Variants in KLK15 observed in about 807,000 individuals in gnomAD.
The protein encoded by KLK15 is kallikrein related peptidase 15.
A neutral mutation model predicts 21.1 loss-of-function variants in KLK15; 19 were observed. The observed-to-expected ratio is 0.90, with a 90% confidence interval of 0.63 to 1.32. The LOEUF is 1.32. Among genes scored for constraint, KLK15 ranks in the 40% most tolerant of loss-of-function variants. The probability of loss-of-function intolerance (pLI) is 0.00; values close to 1 mark genes in which losing one functional copy is unlikely to be tolerated. For synonymous variants in KLK15, 141 were observed against 141.5 expected, an observed-to-expected ratio of 1.00 and a Z score of 0.03; for missense variants, 345 against 348.6, an observed-to-expected ratio of 0.99 and a Z score of 0.08.
At chr19:50,829,092 A>AATTGG (rs543906527) in intron 1 of KLK15, among the ~76,000 whole-genome samples, 146 of 151,148 alleles carry the variant, frequency 9.7e-4, no homozygotes, top group African/African-American at 3.5e-3. Context: ...ACACACACAG[A>AATTGG]ATTGGATATT....
At chr19:50,832,602 C>T (rs1193133761), upstream of KLK15, among the ~76,000 whole-genome samples, 1 of 152,158 alleles carries the variant, frequency 6.6e-6, no homozygotes, top group African/African-American at 2.4e-5. Flanking sequence ...GGATTACAGG[C>T]ATGAGTTGCC....
At chr19:50,828,090 T>C (rs1207480262) in intron 1 of KLK15, among the ~76,000 whole-genome samples, 1 of 151,230 alleles carries the variant, frequency 6.6e-6, no homozygotes, top group Non-Finnish European at 1.5e-5. Flanking sequence ...GTAGCTGAGG[T>C]GCCCGCCACC....
In KLK15 at chr19:50,827,660, AC is replaced by A; in HGVS notation, c.197+1del. ...CAGGACCCTGAGCCCCTGCCTTCATACCGGCTTTGGCAGTGGGCCGCAGACA... is the reference window on the plus strand; with the variant it reads ...CAGGACCCTGAGCCCCTGCCTTCATACGGCTTTGGCAGTGGGCCGCAGACA... On this transcript the variant is annotated splice_donor_variant, in intron 2 of 4. Coordinates refer to ENST00000598239, the Ensembl canonical transcript of KLK15. LOFTEE classifies it high-confidence loss of function. 1 of 1,610,156 alleles carries A rather than the reference AC, an allele frequency of 6.2e-7. No individual in the cohort carries two copies.
downstream of KLK15, chr19:50,825,592 T>G (rs2089866247): frequency 2.1e-6 from 1 of 471,486 alleles, no homozygotes; most frequent in African/African-American, 2.0e-5. Context: ...CAGAGCAACT[T>G]GGATCAGCGC....
At chr19:50,827,985 C>T (rs965564291) in intron 1 of KLK15, among the ~76,000 whole-genome samples, 170 bp from the exon 3 acceptor site, 2 of 151,564 alleles carry the variant, frequency 1.3e-5, no homozygotes, top group Non-Finnish European at 3.0e-5. Context: ...CGGAGTCTCA[C>T]TCTTTTGCCC....
Position 50,831,430 on chromosome 19 carries a change from C to A in KLK15, c.43+20G>T. 1 of 1,415,346 alleles carries A rather than the reference C, an allele frequency of 7.1e-7. No homozygotes were observed. Among genetic ancestry groups the A allele is most frequent in the South Asian group, 1.6e-5 (1 of 63,368 alleles). 87.7% of individuals were successfully genotyped at this position (1,415,346 alleles called of 1,614,324 possible). On this transcript the variant is annotated intron_variant, in intron 1 of 4. Transcript: ENST00000598239. ...GGCACCTGCTCCCACAGACCTGGCCCCCTCCTGGGGCCACCTCACCTGTGG... is the reference window on the plus strand; with the variant it reads ...GGCACCTGCTCCCACAGACCTGGCCACCTCCTGGGGCCACCTCACCTGTGG...
At chr19:50,826,934 C>A in exon 3 of KLK15, 2 of 1,591,370 alleles carry the variant, frequency 1.3e-6, no homozygotes, top group Non-Finnish European at 1.7e-6. Flanking sequence ...CAGGCCCCAG[C>A]CAGACACCAC....
At chr19:50,828,459 G>A (rs1351568679) in intron 1 of KLK15, among the ~76,000 whole-genome samples, 1 of 151,694 alleles carries the variant, frequency 6.6e-6, no homozygotes, top group African/African-American at 2.4e-5. Context: ...TGTCACAGAC[G>A]TCAAACGCAT....
At chr19:50,829,795 C>G (rs574040531) in intron 1 of KLK15, among the ~76,000 whole-genome samples, 1 of 151,544 alleles carries the variant, frequency 6.6e-6, no homozygotes, top group African/African-American at 2.4e-5. Flanking sequence ...CCAGCTTGGG[C>G]GGCAGAGCGA....
chr19:50,828,399 C>T (rs967031560), intron 1 of KLK15, among the ~76,000 whole-genome samples: 2 of 151,620 alleles, frequency 1.3e-5, no homozygotes, highest in African/African-American at 4.8e-5. Context: ...GCACTGGATA[C>T]AGGTTCAGAC....
intron 1 of KLK15, among the ~76,000 whole-genome samples, chr19:50,829,615 C>T (rs765368818): frequency 8.6e-5 from 13 of 151,456 alleles, no homozygotes; most frequent in South Asian, 2.1e-4. Flanking sequence ...TGGCCAACAT[C>T]GTGAAATCCC....
At chr19:50,829,845 C>G (rs1416208432) in intron 1 of KLK15, among the ~76,000 whole-genome samples, 1 of 151,368 alleles carries the variant, frequency 6.6e-6, no homozygotes, top group African/African-American at 2.4e-5. Context: ...AAAAAAAAGT[C>G]AAGGTTAAAA....
chr19:50,833,038 G>T (rs1489375469), upstream of KLK15: 1 of 152,268 alleles, frequency 6.6e-6, no homozygotes, highest in Non-Finnish European at 1.5e-5. Context: ...CACCTAACAG[G>T]TGTCTCCCCT....
intron 2 of KLK15, 64 bp downstream of exon 3, chr19:50,827,598 C>T (rs1443807619): frequency 3.2e-6 from 5 of 1,543,270 alleles, no homozygotes; most frequent in East Asian, 4.5e-5. Flanking sequence ...CGTCTTCCCC[C>T]AAATCTAGGA....
chr19:50,832,325 T>TTTTC (rs146583168), upstream of KLK15, among the ~76,000 whole-genome samples: 3 of 135,918 alleles, frequency 2.2e-5, no homozygotes, highest in Non-Finnish European at 4.6e-5. Context: ...TTTTTTTCTT[T>TTTTC]TTTTTTTTTT....
intron 4 of KLK15, 150 bp from the exon 6 acceptor site, chr19:50,826,098 C>T: frequency 1.4e-6 from 1 of 735,188 alleles, no homozygotes; most frequent in Non-Finnish European, 2.2e-6. Flanking sequence ...CAGTTTATCC[C>T]AAACAGAGCC....
Position 50,827,864 on chromosome 19 carries a change from C to T in KLK15, c.44-49G>A, listed in dbSNP as rs369395219. ...CTGAGGACAGGGACGTTTACATTGC[C>T]TCCTACACCTTCCTTGCACCCTGCC... is the stretch of plus-strand genomic sequence containing the variant. On this transcript the variant is annotated intron_variant, in intron 1 of 4. Coordinates refer to ENST00000598239, the Ensembl canonical transcript of KLK15. 1.2e-4 allele frequency: 182 copies of T among 1,566,606 alleles called. 4 individuals carry two copies. Among genetic ancestry groups the T allele is most frequent in the Non-Finnish European group, 1.5e-4 (174 of 1,138,022 alleles).
chr19:50,826,752 G>A (rs10403407), exon 4 of KLK15: 1 of 1,610,622 alleles, frequency 6.2e-7, no homozygotes, highest in Non-Finnish European at 8.5e-7. Context: ...GTATCTGGGA[G>A]ACTCACTGGG....
At chr19:50,825,344 C>T (rs2089862836), downstream of KLK15, 1 of 155,204 alleles carries the variant, frequency 6.4e-6, no homozygotes, top group African/African-American at 2.4e-5. Context: ...TTAATCCTCA[C>T]AACAGCCCTT....
Sources: gnomAD v4.1 joint callset for allele counts (sites outside exome capture counted in the v4.1 genomes callset) on GRCh38, gnomAD v4.1.1 for gene constraint, MANE v1.5 for transcripts, NCBI Gene and HGNC (gene_info 2026-07-23, HGNC 2026-07-21) for gene names.